TTN: variants seen among roughly 807,000 people sequenced by gnomAD.
TTN encodes the protein connectin.
A neutral mutation model predicts 3,223.0 loss-of-function variants in TTN; 1,525 were observed. That is an observed-to-expected ratio of 0.47 (90% CI 0.45 to 0.49). The LOEUF (loss-of-function observed/expected upper bound fraction) is 0.49. TTN is among the 20% of genes least tolerant of loss of function. The pLI, the probability that TTN is intolerant of heterozygous loss-of-function variation, is 0.00. For synonymous variants in TTN, 14,094 were observed against 15,161.0 expected (o/e 0.93, Z 5.17); for missense variants, 40,786 against 43,424.0 (o/e 0.94, Z 5.40).
rs1222878788 is a variant in TTN, at chr2:178,734,515, T to C, written c.15309A>G (p.Pro5103=). The part of the protein sequence containing the change: ...LLQCEVSGTG[P]FEISWFKDKK... ...TGTCTTTGAACCAGCTAATTTCAAA[T>C]GGTCCAGTGCCTGAGACTTCACACT... The change falls in exon 52 of 363, where the codon CCA becomes CCG. Residue 5103 remains proline, a synonymous_variant. Coordinates refer to ENST00000589042, the MANE Select transcript of TTN (RefSeq NM_001267550.2). The C allele has an allele frequency of 3.7e-6, 6 of 1,613,536 alleles. No homozygotes were observed. The highest frequency in any genetic ancestry group is 1.6e-4 in the Middle Eastern group (1 of 6,076).
At chr2:178,536,725 C>T (rs932577616) in intron 356 of TTN, 150 bp from the exon 357 acceptor site, 3 of 873,608 alleles carry the variant, frequency 3.4e-6, no homozygotes, top group Non-Finnish European at 4.9e-6. Context: ...TATACTAAGA[C>T]ATATCAAAAA....
At chr2:178,630,196 G>A (rs370032803) in intron 239 of TTN, 45 bp downstream of exon 239, 16 of 1,608,816 alleles carry the variant, frequency 9.9e-6, no homozygotes, top group South Asian at 7.8e-5. Context: ...TTCATTTTCT[G>A]AAAAAGTGTT....
Position 178,555,130 on chromosome 2 carries a change from A to G in TTN, c.88329T>C (p.Pro29443=), listed in dbSNP as rs1287677844. The G allele has an allele frequency of 6.2e-7, 1 of 1,610,744 alleles. No homozygotes were observed. ...DSYGGPVIDL[P]LEYTEVVKYR... Reference sequence around the variant, plus strand: ...ATTTGACAACTTCTGTATATTCTAGAGGCAAATCAATTACAGGACCACCTG... The same window carrying G: ...ATTTGACAACTTCTGTATATTCTAGGGGCAAATCAATTACAGGACCACCTG... The change falls in exon 331 of 363, where the codon CCT becomes CCC. Residue 29443 remains proline, a synonymous_variant. Coordinates refer to ENST00000589042, the MANE Select transcript of TTN (RefSeq NM_001267550.2).
In TTN at chr2:178,731,336, T is replaced by C. The variant is rs762158553; in HGVS notation, c.17430A>G (p.Ile5810Met). The change falls in exon 59 of 363, where the codon ATA becomes ATG. Residue 5810 changes from isoleucine to methionine, a missense_variant. Ile to Met is a conservative substitution (Grantham distance 10, BLOSUM62 1). Transcript: ENST00000589042. Reference protein sequence around the residue: ...YVCQAKNDAGIQRCSALLSVK... With the variant: ...YVCQAKNDAGMQRCSALLSVK... Reference sequence around the variant, plus strand: ...CTGAGAGTAATGCAGAACATCTTTGTATTCCTGCATCATTTTTGGCCTGAC... The same window carrying C: ...CTGAGAGTAATGCAGAACATCTTTGCATTCCTGCATCATTTTTGGCCTGAC... 3.1e-6 allele frequency: 5 copies of C among 1,613,850 alleles called. 2 individuals are homozygous for C. In the South Asian group the frequency reaches 4.4e-5, roughly 14 times the overall value.
In TTN at chr2:178,572,437, T is replaced by C. The variant is rs1358326550; in HGVS notation, c.73695A>G (p.Ala24565=). ...IVEKRESTRK[A]YSTVATNCHK... ...GGCAGTTTGTTGCAACAGTTGAATA[T>C]GCTTTTCTTGTTGATTCCCGCTTTT... Residue 24565 remains alanine (A), a synonymous_variant, in exon 326 of 363, where the codon GCA becomes GCG. Transcript: ENST00000589042. 1.1e-5 allele frequency: 17 copies of C among 1,612,708 alleles called. No individual in the cohort carries two copies. Among genetic ancestry groups the C allele is most frequent in the Non-Finnish European group, 1.4e-5 (16 of 1,178,982 alleles).
At position 178,592,210 on chromosome 2, in the gene TTN, C is replaced by G. The variant is rs750948166; in HGVS notation, c.59694G>C (p.Trp19898Cys). Reference protein sequence around the residue: ...EIRKDSCYLTWKEPLDDGGSV... With the variant: ...EIRKDSCYLTCKEPLDDGGSV... ...AACCACCATCATCCAGTGGTTCTTT[C>G]CAAGTAAGGTAACATGAATCTTTCC... is the stretch of plus-strand genomic sequence containing the variant. The change falls in exon 302 of 363, where the codon TGG becomes TGC. Residue 19898 changes from tryptophan to cysteine, a missense_variant. By Grantham distance (215) the Trp-to-Cys change is radical (BLOSUM62 -2). Transcript: ENST00000589042. 3.1e-6 allele frequency: 5 copies of G among 1,611,818 alleles called. No individual in the cohort carries two copies. In the South Asian group the frequency reaches 4.4e-5, roughly 14 times the overall value.
chr2:178,727,763 T>C lies in TTN; in HGVS notation c.19815A>G (p.Ile6605Met). ...GTTCCACATCATCCTTAAACCATTT[T>C]ATTTTAAATGGTGGTGTTCCTTTTA... The part of the protein sequence containing the change: ...AILKGTPPFK[I>M]KWFKDDVELV... Residue 6605 changes from isoleucine to methionine, a missense_variant, in exon 68 of 363, where the codon ATA becomes ATG. Coordinates refer to ENST00000589042, the MANE Select transcript of TTN (RefSeq NM_001267550.2). 6.2e-7 allele frequency: 1 copy of C among 1,613,340 alleles called. No individual in the cohort carries two copies. Among genetic ancestry groups the C allele is most frequent in the Non-Finnish European group, 8.5e-7 (1 of 1,179,438 alleles).
In TTN at chr2:178,526,815, G is replaced by C. The variant is rs886055216; in HGVS notation, c.*197C>G. On this transcript the variant is annotated 3_prime_UTR_variant, in exon 363 of 363. Transcript: ENST00000589042. ...ATCCGGCTATATACAGTATGTACAT[G>C]TCACTAGCAAATGTATTATATTCTT... The C allele has an allele frequency of 5.3e-5, 28 of 529,824 alleles. No individual in the cohort carries two copies. Among genetic ancestry groups the C allele is most frequent in the Non-Finnish European group, 8.2e-5 (25 of 304,602 alleles). 32.8% of individuals were successfully genotyped at this position (529,824 alleles called of 1,614,324 possible). A position where few individuals can be genotyped will look rare whatever the true frequency, so the allele number is the denominator to read the frequency against.
intron 313 of TTN, 50 bp downstream of exon 313, chr2:178,582,890 T>TC: frequency 3.6e-6 from 5 of 1,382,542 alleles, no homozygotes; most frequent in Non-Finnish European, 4.8e-6. Flanking sequence ...CCTATTTACA[T>TC]CCCATTATCC....
Position 178,621,489 on chromosome 2 carries a change from T to C in TTN, c.45335A>G (p.Lys15112Arg). ...CRLPSSRTDGKVKVHELAAEF... is the reference protein window; with the variant it reads ...CRLPSSRTDGRVKVHELAAEF... ...AGTTTTCATACCATGTACTTTGACT[T>C]TGCCATCGGTTCGAGAGCTTGGGAG... Residue 15112 changes from lysine (K) to arginine (R), a missense_variant, in exon 245 of 363, where the codon AAA becomes AGA. Transcript: ENST00000589042. The C allele has an allele frequency of 6.2e-7, 1 of 1,612,322 alleles. No individual in the cohort carries two copies. Among genetic ancestry groups the C allele is most frequent in the Non-Finnish European group, 8.5e-7 (1 of 1,179,050 alleles).
In TTN at chr2:178,723,140, A is replaced by C; in HGVS notation, c.21867T>G (p.Ile7289Met). 1 of 1,613,540 alleles carries C rather than the reference A, an allele frequency of 6.2e-7. No homozygotes were observed. Among genetic ancestry groups the C allele is most frequent in the Non-Finnish European group, 8.5e-7 (1 of 1,179,630 alleles). Residue 7289 changes from isoleucine (I) to methionine (M), a missense_variant, in exon 75 of 363, where the codon ATT (isoleucine) becomes ATG (methionine). Ile to Met is a conservative substitution (Grantham distance 10). Transcript: ENST00000589042. The part of the protein sequence containing the change: ...VTTEKTCILE[I>M]LNSTKRDAGQ... ...CTGCATCTCTTTTTGTGCTATTCAG[A>C]ATTTCCAGGATACAAGTTTTCTCTG...
Position 178,753,148 on chromosome 2 carries a change from G to T in TTN, c.11287C>A (p.Gln3763Lys), listed in dbSNP as rs1302420781. 1 of 1,609,082 alleles carries T rather than the reference G, an allele frequency of 6.2e-7. No individual in the cohort carries two copies. The highest frequency in any genetic ancestry group is 1.3e-5 in the African/African-American group (1 of 74,750). Residue 3763 changes from glutamine (Q) to lysine (K), a missense_variant, in exon 47 of 363, where the codon CAA becomes AAA. Transcript: ENST00000589042. Reference sequence around the variant, plus strand: ...CCTTTCATTTCCATCTCAATCTCTTGTTCAATCCTCTCATGCAAAATTGAT... The same window carrying T: ...CCTTTCATTTCCATCTCAATCTCTTTTTCAATCCTCTCATGCAAAATTGAT... ...PESILHERIE[Q>K]EIEMEMKEFS...
intron 43 of TTN, among the ~76,000 whole-genome samples, chr2:178,759,533 C>T (rs2088383298): frequency 6.6e-6 from 1 of 152,154 alleles, no homozygotes; most frequent in African/African-American, 2.4e-5. Flanking sequence ...GAAGAGTCAT[C>T]AGGAAAGGTT....
At chr2:178,749,572 T>C (rs202182887) in intron 47 of TTN, 7 of 1,612,678 alleles carry the variant, frequency 4.3e-6, no homozygotes, top group East Asian at 4.5e-5. Context: ...CTCCCTGGTC[T>C]TGCAGTTGCT....
chr2:178,601,707 G>T lies in TTN; in HGVS notation c.55383C>A (p.Ala18461=), dbSNP rs369861620. 8.5e-5 allele frequency: 137 copies of T among 1,609,048 alleles called. No homozygotes were observed. The highest frequency in any genetic ancestry group is 1.1e-4 in the Non-Finnish European group (133 of 1,178,456). The change falls in exon 286 of 363, where the codon GCC becomes GCA. Residue 18461 remains alanine (A), a synonymous_variant. Transcript: ENST00000589042. ...RSHTGKYSIT[A]KNKAGQKTAN... ...CAGTCTTTTGTCCTGCTTTATTCTT[G>T]GCTGTGATGCTGTATTTGCCTGTAT...
chr2:178,630,090 A>G, intron 239 of TTN, 151 bp downstream of exon 239: 3 of 1,125,432 alleles, frequency 2.7e-6, no homozygotes, highest in South Asian at 1.6e-5. Context: ...CCACTTCTGT[A>G]TTGGAATGTC....
Position 178,686,113 on chromosome 2 carries a change from A to ATTTTTTTTTTTTTTTTTTT in TTN, c.32312-534_32312-516dup, listed in dbSNP as rs765570520. On this transcript the variant is annotated intron_variant, in intron 127 of 362. Coordinates refer to ENST00000589042, the MANE Select transcript of TTN (RefSeq NM_001267550.2). ...TTGAGCCTAAGTGTATACAGTTTTA[A>ATTTTTTTTTTTTTTTTTTT]TTTTTTTTTTTTTTTTTTTTTTTTT... 1.2e-3 allele frequency among the ~76,000 whole-genome samples: 92 copies of ATTTTTTTTTTTTTTTTTTT among 77,790 alleles called. 12 individuals are homozygous for ATTTTTTTTTTTTTTTTTTT. The highest frequency in any genetic ancestry group is 4.0e-3 in the African/African-American group (60 of 15,086). 51.0% of individuals were successfully genotyped at this position (77,790 alleles called of 152,430 possible).
chr2:178,775,826 A>T lies in TTN; in HGVS notation c.6038T>A (p.Ile2013Asn). Reference sequence around the variant, plus strand: ...TCGAGACTTGAGCTCCACAGCGGTAATGGCTTCATAATAGCCCTCTTCTGT... The same window carrying T: ...TCGAGACTTGAGCTCCACAGCGGTATTGGCTTCATAATAGCCCTCTTCTGT... ...RRTEEGYYEA[I>N]TAVELKSRKK... Residue 2013 changes from isoleucine to asparagine, a missense_variant, in exon 28 of 363, where the codon ATT becomes AAT. Ile to Asn is a moderately radical substitution (Grantham distance 149). Transcript: ENST00000589042. The T allele has an allele frequency of 6.2e-7, 1 of 1,613,948 alleles. No individual in the cohort carries two copies. The highest frequency in any genetic ancestry group is 8.5e-7 in the Non-Finnish European group (1 of 1,179,964).
chr2:178,733,341 G>A lies in TTN; in HGVS notation c.15952C>T (p.Leu5318Phe), dbSNP rs1312777672. Residue 5318 changes from leucine to phenylalanine, a missense_variant, in exon 54 of 363, where the codon CTC (leucine) becomes TTC (phenylalanine). Transcript: ENST00000589042. ...TGCAGCTCAGCTGAATAAAATTTGA[G>A]CTGGGCAACATTGTTTTTAAAACTT... is the stretch of plus-strand genomic sequence containing the variant. ...RISFKNNVAQ[L>F]KFYSAELHDS... 1.9e-6 allele frequency: 3 copies of A among 1,613,674 alleles called. No individual in the cohort carries two copies. The highest frequency in any genetic ancestry group is 2.7e-5 in the African/African-American group (2 of 74,924).
Sources: allele counts gnomAD v4.1 joint callset (sites outside exome capture counted in the v4.1 genomes callset), GRCh38; gene constraint gnomAD v4.1.1; transcripts MANE v1.5; gene names NCBI Gene and HGNC (gene_info 2026-07-23, HGNC 2026-07-21).